KIAA1958: variants seen among roughly 807,000 people sequenced by gnomAD.
KIAA1958 encodes the protein KIAA1958, also known as uncharacterized protein KIAA1958.
In KIAA1958, 14 loss-of-function variants were observed where a neutral mutation model predicts 47.2. That is an observed-to-expected ratio of 0.30 (90% CI 0.20 to 0.46). The LOEUF is 0.46. Among genes scored for constraint, KIAA1958 ranks in the 20% least tolerant of loss-of-function variants. The probability of loss-of-function intolerance (pLI) is 1.00; values close to 1 mark genes in which losing one functional copy is unlikely to be tolerated. For missense variants in KIAA1958, 803 were observed against 909.2 expected (o/e 0.88, Z 1.50); for synonymous variants, 354 against 353.3 (o/e 1.00, Z -0.02).
At chr9:112,520,142 A>C (rs1834512141) in intron 1 of KIAA1958, among the ~76,000 whole-genome samples, 1 of 152,224 alleles carries the variant, frequency 6.6e-6, no homozygotes, top group East Asian at 1.9e-4. Context: ...ATGGCAAATT[A>C]ATTTGTTTTT....
chr9:112,531,160 A>G (rs1410811279), intron 1 of KIAA1958, among the ~76,000 whole-genome samples: 1 of 152,202 alleles, frequency 6.6e-6, no homozygotes, highest in African/African-American at 2.4e-5. Flanking sequence ...AGGCCGAGGC[A>G]GGCGTATCAC....
chr9:112,541,590 G>A (rs1444449746), intron 1 of KIAA1958, among the ~76,000 whole-genome samples: 1 of 152,082 alleles, frequency 6.6e-6, no homozygotes, highest in East Asian at 1.9e-4. Context: ...GATCACCAGA[G>A]GTCAGGAGTT....
At chr9:112,658,044 T>TG (rs751225901) in intron 3 of KIAA1958, among the ~76,000 whole-genome samples, 4 of 151,904 alleles carry the variant, frequency 2.6e-5, no homozygotes, top group Admixed American at 6.6e-5. Context: ...TTAGTAGAGA[T>TG]GGGGGTTTCA....
chr9:112,549,295 TC>T (rs1227093379), intron 1 of KIAA1958, among the ~76,000 whole-genome samples: 8 of 152,340 alleles, frequency 5.3e-5, no homozygotes, highest in African/African-American at 1.9e-4. Flanking sequence ...TTTCTCTTTC[TC>T]AATAAAGTTC....
At chr9:112,553,822 TAAATG>T (rs1835196733) in intron 1 of KIAA1958, among the ~76,000 whole-genome samples, 1 of 152,320 alleles carries the variant, frequency 6.6e-6, no homozygotes, top group Non-Finnish European at 1.5e-5. Context: ...ACTTTCTACA[TAAATG>T]AGAGTAAGAA....
intron 2 of KIAA1958, among the ~76,000 whole-genome samples, chr9:112,593,749 A>T (rs902051845): frequency 2.6e-5 from 4 of 152,076 alleles, no homozygotes; most frequent in Admixed American, 6.5e-5. Flanking sequence ...AGTTGTCAAG[A>T]TCCAGAGATG....
At chr9:112,604,474 G>T (rs1836189723) in intron 2 of KIAA1958, among the ~76,000 whole-genome samples, 1 of 152,172 alleles carries the variant, frequency 6.6e-6, no homozygotes, top group African/African-American at 2.4e-5. Flanking sequence ...AGTGGTACTT[G>T]TGAATGGTAC....
At chr9:112,546,622 C>A (rs1030610485) in intron 1 of KIAA1958, among the ~76,000 whole-genome samples, 1 of 152,022 alleles carries the variant, frequency 6.6e-6, no homozygotes, top group African/African-American at 2.4e-5. Context: ...ATGTGGCCTC[C>A]CAAACTGAAC....
intron 1 of KIAA1958, among the ~76,000 whole-genome samples, chr9:112,567,661 A>G (rs1396682277): frequency 1.3e-5 from 2 of 152,060 alleles, no homozygotes; most frequent in Non-Finnish European, 2.9e-5. Flanking sequence ...TGAAAGATCA[A>G]AATCCCGAAA....
Position 112,489,113 on chromosome 9 carries a change from C to T in KIAA1958, c.-25+1995C>T, listed in dbSNP as rs118074273. On this transcript the variant is annotated intron_variant, in intron 1 of 3. Coordinates refer to ENST00000337530, the MANE Select transcript of KIAA1958 (RefSeq NM_133465.4). ...CTAGCGTTCCTTGTCCCTCTCCATTCCTAGTAATAGCCCAAAGAGAAGAGG... is the reference window on the plus strand; with the variant it reads ...CTAGCGTTCCTTGTCCCTCTCCATTTCTAGTAATAGCCCAAAGAGAAGAGG... Among the ~76,000 whole-genome samples the T allele has an allele frequency of 6.4e-3, 982 of 152,260 alleles. 9 individuals are homozygous for T. The highest frequency in any genetic ancestry group is 0.011 in the Non-Finnish European group (748 of 68,022).
chr9:112,574,657 G>A lies in KIAA1958; in HGVS notation c.577G>A (p.Glu193Lys), dbSNP rs536455762. The change falls in exon 2 of 4, where the codon GAA becomes AAA. Residue 193 changes from glutamate to lysine, a missense_variant. By Grantham distance (56) the Glu-to-Lys change is moderately conservative. Transcript: ENST00000337530. ...HSSSQTQMVD[E>K]CSNDVIIKKI... ...AAGCTCCCAGACGCAGATGGTTGAC[G>A]AATGCAGCAATGATGTCATCATCAA... 223 of 1,614,126 alleles carry A rather than the reference G, an allele frequency of 1.4e-4. 3 individuals are homozygous for A. In the South Asian group the frequency reaches 2.0e-3, roughly 15 times the overall value.
chr9:112,659,763 G>A lies in KIAA1958; in HGVS notation c.1845G>A (p.Gly615=). Residue 615 remains glycine, a synonymous_variant, in exon 4 of 4, where the codon GGG becomes GGA. Transcript: ENST00000337530. ...GCGGCTCCACCAGAGTGTGTCACGG[G>A]AAGATCTACCATGAGCATTCCCGGG... ...SRSGSTRVCH[G]KIYHEHSRGH... The A allele has an allele frequency of 6.2e-7, 1 of 1,614,138 alleles. No homozygotes were observed. The highest frequency in any genetic ancestry group is 8.5e-7 in the Non-Finnish European group (1 of 1,180,016).
In KIAA1958 at chr9:112,668,928, T is replaced by G. The variant is rs1252182146; in HGVS notation, c.*8859T>G. The G allele has an allele frequency of 1.3e-5, 2 of 152,234 alleles. No individual in the cohort carries two copies. The highest frequency in any genetic ancestry group is 2.9e-5 in the Non-Finnish European group (2 of 68,036). 9.4% of individuals were successfully genotyped at this position (152,234 alleles called of 1,614,324 possible). A position where few individuals can be genotyped will look rare whatever the true frequency, so the allele number is the denominator to read the frequency against. On this transcript the variant is annotated 3_prime_UTR_variant, in exon 4 of 4. Transcript: ENST00000337530. Reference sequence around the variant, plus strand: ...TTATTTAAAAATTTAATATTTTCTATGGGGCTGTATTTTCCAAATAATAGC... The same window carrying G: ...TTATTTAAAAATTTAATATTTTCTAGGGGGCTGTATTTTCCAAATAATAGC...
chr9:112,503,925 T>TTATATA (rs5900006), intron 1 of KIAA1958, among the ~76,000 whole-genome samples: 52 of 147,466 alleles, frequency 3.5e-4, no homozygotes, highest in East Asian at 1.4e-3. Context: ...GGGTTATAAA[T>TTATATA]TATATATATA....
At chr9:112,517,572 A>T (rs2132790411) in intron 1 of KIAA1958, among the ~76,000 whole-genome samples, 1 of 152,322 alleles carries the variant, frequency 6.6e-6, no homozygotes, top group South Asian at 2.1e-4. Flanking sequence ...AAAATTTCAT[A>T]ACAGTAAAAT....
intron 1 of KIAA1958, among the ~76,000 whole-genome samples, chr9:112,523,646 G>C (rs1041318483): frequency 6.6e-6 from 1 of 152,094 alleles, no homozygotes; most frequent in Admixed American, 6.6e-5. Flanking sequence ...TTGACTTCAT[G>C]GGTGGATAGA....
intron 1 of KIAA1958, among the ~76,000 whole-genome samples, chr9:112,506,164 CA>C (rs1281470185): frequency 1.8e-4 from 27 of 152,204 alleles, no homozygotes; most frequent in African/African-American, 5.3e-4. Context: ...TTTGTAAAAA[CA>C]AATGTTAGAG....
intron 2 of KIAA1958, among the ~76,000 whole-genome samples, chr9:112,643,791 A>G (rs1409548842): frequency 6.6e-6 from 1 of 152,202 alleles, no homozygotes. Flanking sequence ...CATAGACTGA[A>G]GAAGAGAATA....
At chr9:112,542,383 T>A (rs1834958832) in intron 1 of KIAA1958, among the ~76,000 whole-genome samples, 2 of 152,176 alleles carry the variant, frequency 1.3e-5, no homozygotes, top group South Asian at 4.1e-4. Flanking sequence ...TAAAGAAGAA[T>A]ATATTCATGA....
Sources: gnomAD v4.1 joint callset for allele counts (sites outside exome capture counted in the v4.1 genomes callset) on GRCh38, gnomAD v4.1.1 for gene constraint, MANE v1.5 for transcripts, NCBI Gene and HGNC (gene_info 2026-07-23, HGNC 2026-07-21) for gene names.